The following VPS45 variants were observed in gnomAD, a reference collection of about 807,000 sequenced individuals.
VPS45 encodes vacuolar protein sorting-associated protein 45.
VPS45 carries 35 observed loss-of-function variants against 75.9 expected under a neutral mutation model. The observed-to-expected ratio is 0.46, with a 90% CI of 0.35 to 0.61. The LOEUF (loss-of-function observed/expected upper bound fraction) is 0.61, where lower values mean the gene tolerates loss of function less well. Among genes scored for constraint, VPS45 ranks in the 20% least tolerant of loss-of-function variants. VPS45 has a pLI of 0.00. For synonymous variants in VPS45, 220 were observed against 238.2 expected (o/e 0.92, Z 0.70); for missense variants, 559 against 685.9 (o/e 0.81, Z 2.07).
At chr1:150,142,388 G>A (rs587607331) in intron 14 of VPS45, among the ~76,000 whole-genome samples, 1 of 152,256 alleles carries the variant, frequency 6.6e-6, no homozygotes, top group East Asian at 1.9e-4. Flanking sequence ...ACCTCCAATT[G>A]TGTCTAGTCC....
At chr1:150,137,208 T>C (rs1230484900) in intron 14 of VPS45, among the ~76,000 whole-genome samples, 2 of 152,152 alleles carry the variant, frequency 1.3e-5, no homozygotes, top group East Asian at 3.8e-4. Context: ...GCCTCAGATG[T>C]AGATGTTGAA....
Position 150,088,479 on chromosome 1 carries a change from TTTC to T in VPS45, c.1105-3455_1105-3453del, listed in dbSNP as rs1559912346. Among the ~76,000 whole-genome samples, 41 of 21,646 alleles carry T rather than the reference TTTC, an allele frequency of 1.9e-3. 15 individuals are homozygous for T. Among genetic ancestry groups the T allele is most frequent in the East Asian group, 0.016 (2 of 122 alleles). The allele number at this position is 21,646 out of a possible 152,430, so 14.2% of individuals were successfully genotyped here. On this transcript the variant is annotated intron_variant, in intron 10 of 14. Coordinates refer to ENST00000644510, the MANE Select transcript of VPS45 (RefSeq NM_007259.5). The stretch of plus-strand genomic sequence containing the variant: ...TATGCTGCTATTTTCTTTTCCCTTT[TTTC>T]TTTTTTTTTTTTTTTGAGACAGGGT...
intron 14 of VPS45, among the ~76,000 whole-genome samples, 156 bp downstream of exon 14, chr1:150,110,783 G>A (rs1657609275): frequency 6.6e-6 from 1 of 152,186 alleles, no homozygotes; most frequent in African/African-American, 2.4e-5. Context: ...AAGAATTTGT[G>A]AGAGAAAGGA....
At chr1:150,112,187 TA>T (rs1455730045) in intron 14 of VPS45, among the ~76,000 whole-genome samples, 3 of 152,122 alleles carry the variant, frequency 2.0e-5, no homozygotes, top group Admixed American at 6.5e-5. Flanking sequence ...TCTATTTATA[TA>T]AATAAGGTTA....
At chr1:150,074,027 T>TC (rs1655230476) in intron 3 of VPS45, among the ~76,000 whole-genome samples, 2 of 150,674 alleles carry the variant, frequency 1.3e-5, no homozygotes, top group Non-Finnish European at 3.0e-5. Context: ...TTTTTTTTTT[T>TC]TGTCCGAGAA....
At chr1:150,082,529 A>AAC (rs1328713225) in intron 9 of VPS45, among the ~76,000 whole-genome samples, 187 bp from the exon 10 acceptor site, 4 of 150,132 alleles carry the variant, frequency 2.7e-5, no homozygotes, top group Admixed American at 2.7e-4. Flanking sequence ...AAAAAAAAAA[A>AAC]CTCAGTCTAC....
intron 10 of VPS45, among the ~76,000 whole-genome samples, chr1:150,087,269 T>C (rs1457012768): frequency 6.6e-5 from 10 of 152,224 alleles, no homozygotes; most frequent in African/African-American, 2.2e-4. Context: ...TCCTATTCCT[T>C]GATTACGCCC....
chr1:150,108,814 C>CT (rs1168714372), intron 13 of VPS45, among the ~76,000 whole-genome samples: 1 of 152,154 alleles, frequency 6.6e-6, no homozygotes, highest in Non-Finnish European at 1.5e-5. Context: ...CTATGAGAAT[C>CT]TAACGCCTCC....
intron 2 of VPS45, 184 bp downstream of exon 2, chr1:150,068,948 C>A (rs1654877560): frequency 1.9e-5 from 11 of 579,702 alleles, no homozygotes; most frequent in Non-Finnish European, 2.8e-6. Context: ...CCCCTTACAG[C>A]CAGTTCTTCC....
rs1429979504 is a variant in VPS45, at chr1:150,119,586, T to C, written c.1625+8959T>C. On this transcript the variant is annotated intron_variant, in intron 14 of 14. Coordinates refer to ENST00000644510, the MANE Select transcript of VPS45 (RefSeq NM_007259.5). ...AGATTTGCCGCGATATTGCTCTCCTTTTACACTTAGAATCATGTAAGTCAT... is the reference window on the plus strand; with the variant it reads ...AGATTTGCCGCGATATTGCTCTCCTCTTACACTTAGAATCATGTAAGTCAT... Among the ~76,000 whole-genome samples, 4 of 152,148 alleles carry C rather than the reference T, an allele frequency of 2.6e-5. No individual in the cohort carries two copies. In the East Asian group the frequency reaches 5.8e-4, roughly 22 times the overall value.
intron 13 of VPS45, among the ~76,000 whole-genome samples, chr1:150,095,329 C>T (rs1457454864): frequency 6.6e-6 from 1 of 152,096 alleles, no homozygotes; most frequent in Non-Finnish European, 1.5e-5. Context: ...TAAGAAAGAA[C>T]CAGACCAGAC....
At chr1:150,134,266 A>G (rs920136581) in intron 14 of VPS45, among the ~76,000 whole-genome samples, 5 of 152,216 alleles carry the variant, frequency 3.3e-5, no homozygotes, top group African/African-American at 9.6e-5. Flanking sequence ...AAAACACTCT[A>G]TCCTTCTCTT....
chr1:150,082,514 C>CAAA (rs782675159), intron 9 of VPS45, among the ~76,000 whole-genome samples: 3,369 of 139,264 alleles, frequency 0.024, 120 homozygotes, highest in African/African-American at 0.074. Context: ...AACTCTGTCT[C>CAAA]AAAAAAAAAA....
chr1:150,112,267 GTGTTT>G (rs1553807318), intron 14 of VPS45, among the ~76,000 whole-genome samples: 1 of 151,634 alleles, frequency 6.6e-6, no homozygotes, highest in Non-Finnish European at 1.5e-5. Flanking sequence ...ACTATTCACA[GTGTTT>G]TGTTGTATAA....
intron 2 of VPS45, among the ~76,000 whole-genome samples, chr1:150,069,637 T>C (rs1654928232): frequency 6.6e-6 from 1 of 151,954 alleles, no homozygotes; most frequent in African/African-American, 2.4e-5. Flanking sequence ...TTTGTATTTT[T>C]AGTAGAGACA....
intron 1 of VPS45, 132 bp downstream of exon 1, chr1:150,068,082 G>C: frequency 1.0e-6 from 1 of 952,664 alleles, no homozygotes; most frequent in Non-Finnish European, 1.6e-6. Flanking sequence ...GAATTGAAAA[G>C]TTGTTTATAT....
At chr1:150,111,611 C>T (rs1393221098) in intron 14 of VPS45, among the ~76,000 whole-genome samples, 4 of 151,898 alleles carry the variant, frequency 2.6e-5, no homozygotes, top group Non-Finnish European at 4.4e-5. Context: ...GATTGGGGAC[C>T]CTGAGAGATC....
At chr1:150,079,156 C>T (rs1655559021) in intron 7 of VPS45, among the ~76,000 whole-genome samples, 1 of 151,514 alleles carries the variant, frequency 6.6e-6, no homozygotes, top group Non-Finnish European at 1.5e-5. Context: ...AACATCCAGC[C>T]ATTCTTCAAC....
chr1:150,103,202 A>G (rs1392737260), intron 13 of VPS45, among the ~76,000 whole-genome samples: 1 of 152,212 alleles, frequency 6.6e-6, no homozygotes, highest in Non-Finnish European at 1.5e-5. Flanking sequence ...TACAAAGCAC[A>G]GGAAGATGCA....
Sources: allele counts gnomAD v4.1 joint callset (sites outside exome capture counted in the v4.1 genomes callset), GRCh38; gene constraint gnomAD v4.1.1; transcripts MANE v1.5; gene names NCBI Gene and HGNC (gene_info 2026-07-23, HGNC 2026-07-21).